CPQ: variants seen among roughly 807,000 people sequenced by gnomAD.
CPQ encodes the protein Ser-Met dipeptidase.
In CPQ, 37 loss-of-function variants were observed where a neutral mutation model predicts 45.7. That is an observed-to-expected ratio of 0.81 (90% confidence interval 0.62 to 1.07). The LOEUF (loss-of-function observed/expected upper bound fraction) is 1.07. CPQ is among the 50% of genes least tolerant of loss of function. The pLI, the probability that CPQ is intolerant of heterozygous loss-of-function variation, is 0.00. For missense variants in CPQ, 537 were observed against 572.9 expected, an observed-to-expected ratio of 0.94 and a Z score of 0.64; for synonymous variants, 186 against 205.8, an observed-to-expected ratio of 0.90 and a Z score of 0.82.
intron 4 of CPQ, among the ~76,000 whole-genome samples, chr8:96,915,492 C>T (rs2130907332): frequency 6.6e-6 from 1 of 152,176 alleles, no homozygotes; most frequent in South Asian, 2.1e-4. Context: ...TACTACCCAC[C>T]CATGTAGAGC....
chr8:96,741,577 T>G (rs1810092903), intron 1 of CPQ, among the ~76,000 whole-genome samples: 1 of 152,216 alleles, frequency 6.6e-6, no homozygotes, highest in Admixed American at 6.5e-5. Context: ...AGGGTGTCAA[T>G]TTTGGATCTT....
At chr8:96,991,553 C>CATAATAATA (rs36215104) in intron 5 of CPQ, among the ~76,000 whole-genome samples, 8 of 139,980 alleles carry the variant, frequency 5.7e-5, no homozygotes, top group Admixed American at 3.6e-4. Flanking sequence ...AAGAGTCTGT[C>CATAATAATA]ATAATAATAA....
At chr8:96,782,201 C>T (rs1810696093) in intron 1 of CPQ, among the ~76,000 whole-genome samples, 1 of 152,206 alleles carries the variant, frequency 6.6e-6, no homozygotes, top group African/African-American at 2.4e-5. Flanking sequence ...ACCTGGATCC[C>T]CAGGCTGTCT....
At chr8:97,075,683 C>T (rs1358778087) in intron 7 of CPQ, among the ~76,000 whole-genome samples, 2 of 152,066 alleles carry the variant, frequency 1.3e-5, no homozygotes, top group Non-Finnish European at 2.9e-5. Flanking sequence ...TGAGATTTTT[C>T]TCTCTCTGCT....
At chr8:96,897,577 T>C (rs1812459787) in intron 4 of CPQ, among the ~76,000 whole-genome samples, 1 of 152,222 alleles carries the variant, frequency 6.6e-6, no homozygotes, top group Non-Finnish European at 1.5e-5. Context: ...TTGTTTCATG[T>C]ACAAAATAAT....
intron 4 of CPQ, among the ~76,000 whole-genome samples, chr8:96,956,033 T>A (rs973730983): frequency 6.6e-6 from 1 of 152,140 alleles, no homozygotes; most frequent in Non-Finnish European, 1.5e-5. Flanking sequence ...TGGGATCTAA[T>A]TAAACTAAAG....
At position 96,689,206 on chromosome 8, in the gene CPQ, G is replaced by C. The variant is rs185108422; in HGVS notation, c.-35+43804G>C. Among the ~76,000 whole-genome samples the C allele has an allele frequency of 1.2e-3, 176 of 152,298 alleles. 1 individual carries two copies. Among genetic ancestry groups the C allele is most frequent in the African/African-American group, 3.9e-3 (164 of 41,568 alleles). Reference sequence around the variant, plus strand: ...TCACAAATCATTCTGTGGAGCTGGGGAGAACCTCCTAGTTCTACAATACAG... The same window carrying C: ...TCACAAATCATTCTGTGGAGCTGGGCAGAACCTCCTAGTTCTACAATACAG... On this transcript the variant is annotated intron_variant, in intron 1 of 7. Transcript: ENST00000220763.
chr8:96,704,731 G>T (rs952584388), intron 1 of CPQ, among the ~76,000 whole-genome samples: 3 of 152,132 alleles, frequency 2.0e-5, no homozygotes, highest in South Asian at 2.1e-4. Context: ...AGTTATTAAA[G>T]AACTACAAAC....
intron 6 of CPQ, among the ~76,000 whole-genome samples, chr8:97,034,582 C>T (rs368085031): frequency 1.3e-5 from 2 of 152,252 alleles, no homozygotes; most frequent in South Asian, 4.1e-4. Context: ...TTGGTAAATG[C>T]ACATATCTTA....
intron 2 of CPQ, among the ~76,000 whole-genome samples, chr8:96,827,459 G>A (rs1051772701): frequency 1.3e-5 from 2 of 152,074 alleles, no homozygotes; most frequent in Non-Finnish European, 2.9e-5. Flanking sequence ...ATGTTATAAG[G>A]AATAGCTCTA....
chr8:96,926,579 T>TTCCTCTTCCTCTTCC (rs1287436748), intron 4 of CPQ, among the ~76,000 whole-genome samples: 31 of 104,128 alleles, frequency 3.0e-4, no homozygotes, highest in Middle Eastern at 4.9e-3. Flanking sequence ...CCTCTTCCTC[T>TTCCTCTTCCTCTTCC]TCTTCTTCTT....
chr8:96,891,934 C>G (rs952391013), intron 4 of CPQ, among the ~76,000 whole-genome samples: 16 of 152,120 alleles, frequency 1.1e-4, no homozygotes, highest in Admixed American at 6.5e-4. Context: ...AGAAGATTAA[C>G]TGCATGCTAG....
intron 7 of CPQ, among the ~76,000 whole-genome samples, chr8:97,097,778 A>C (rs923616205): frequency 1.3e-5 from 2 of 152,056 alleles, no homozygotes; most frequent in African/African-American, 4.8e-5. Flanking sequence ...TCTCCACTGG[A>C]ACCTCTGCAA....
At chr8:96,964,674 A>C (rs1333132243) in intron 4 of CPQ, among the ~76,000 whole-genome samples, 1 of 152,106 alleles carries the variant, frequency 6.6e-6, no homozygotes, top group Non-Finnish European at 1.5e-5. Flanking sequence ...ATTGTTAACC[A>C]ATGTGTGAGG....
At chr8:96,701,540 T>C (rs529514701) in intron 1 of CPQ, among the ~76,000 whole-genome samples, 1 of 152,226 alleles carries the variant, frequency 6.6e-6, no homozygotes, top group Non-Finnish European at 1.5e-5. Context: ...ATTTGGAAGA[T>C]TAAATGTATC....
intron 5 of CPQ, among the ~76,000 whole-genome samples, chr8:96,984,055 C>G (rs1813956566): frequency 6.6e-6 from 1 of 151,852 alleles, no homozygotes; most frequent in Admixed American, 6.6e-5. Context: ...AGTGGTTTTT[C>G]TTACCCTCTC....
intron 6 of CPQ, among the ~76,000 whole-genome samples, chr8:97,052,014 G>A (rs1167383723): frequency 6.6e-6 from 1 of 152,132 alleles, no homozygotes; most frequent in Non-Finnish European, 1.5e-5. Context: ...TCTGACTAAT[G>A]CTTTTTATTC....
At chr8:96,959,634 A>G (rs186732982) in intron 4 of CPQ, among the ~76,000 whole-genome samples, 249 of 152,120 alleles carry the variant, frequency 1.6e-3, no homozygotes, top group Non-Finnish European at 3.0e-3. Flanking sequence ...GCTGAAGCCC[A>G]TTATTAGGTC....
chr8:96,683,839 G>A (rs891605561), intron 1 of CPQ, among the ~76,000 whole-genome samples: 1 of 149,410 alleles, frequency 6.7e-6, no homozygotes, highest in African/African-American at 2.4e-5. Context: ...AGAAGCTCTT[G>A]ATTGTATTTT....
Sources: allele counts gnomAD v4.1 joint callset (sites outside exome capture counted in the v4.1 genomes callset), GRCh38; gene constraint gnomAD v4.1.1; transcripts MANE v1.5; gene names NCBI Gene and HGNC (gene_info 2026-07-23, HGNC 2026-07-21).